The following EFHC1 variants were observed in gnomAD, a reference collection of about 807,000 sequenced individuals.
EFHC1 encodes EF-hand domain-containing protein 1.
In EFHC1, 53 loss-of-function variants were observed where a neutral mutation model predicts 69.9. The observed-to-expected ratio is 0.76, with a 90% confidence interval of 0.61 to 0.95. The LOEUF is 0.95. Among genes scored for constraint, EFHC1 ranks in the 40% least tolerant of loss-of-function variants. EFHC1 has a pLI of 0.00. For synonymous variants in EFHC1, 256 were observed against 278.4 expected (o/e 0.92, Z 0.80); for missense variants, 739 against 798.7 (o/e 0.93, Z 0.90).
intron 5 of EFHC1, among the ~76,000 whole-genome samples, chr6:52,455,033 G>A (rs900891262): frequency 2.0e-5 from 3 of 151,992 alleles, no homozygotes; most frequent in South Asian, 2.1e-4. Context: ...TCGAGGCTGC[G>A]GTGAGCTGTG....
chr6:52,448,047 C>T (rs920941343), intron 3 of EFHC1, among the ~76,000 whole-genome samples: 4 of 152,206 alleles, frequency 2.6e-5, no homozygotes, highest in African/African-American at 9.6e-5. Flanking sequence ...GCAGTCTGTC[C>T]GTTCTCAGAT....
At chr6:52,474,181 T>C (rs1195593346) in intron 7 of EFHC1, among the ~76,000 whole-genome samples, 2 of 152,178 alleles carry the variant, frequency 1.3e-5, no homozygotes, top group African/African-American at 4.8e-5. Context: ...TTGGGCTTGG[T>C]GGCATGTGCC....
intron 9 of EFHC1, among the ~76,000 whole-genome samples, chr6:52,480,427 C>G (rs1292264943): frequency 3.9e-5 from 6 of 152,146 alleles, no homozygotes; most frequent in Admixed American, 6.5e-5. Flanking sequence ...TATTATGTGT[C>G]AGAGACTATC....
chr6:52,468,587 C>T (rs1332680037), intron 6 of EFHC1: 3 of 152,324 alleles, frequency 2.0e-5, no homozygotes, highest in South Asian at 4.1e-4. Context: ...AGGATGCTCT[C>T]ATTGTGTGGT....
intron 2 of EFHC1, among the ~76,000 whole-genome samples, chr6:52,433,475 C>T (rs1435317851): frequency 2.6e-5 from 4 of 152,196 alleles, no homozygotes; most frequent in Non-Finnish European, 5.9e-5. Flanking sequence ...AGCAAGTCTG[C>T]CAGGCTCCAG....
Position 52,494,216 on chromosome 6 carries a change from G to A in EFHC1, c.*1875G>A, listed in dbSNP as rs750250332. On this transcript the variant is annotated 3_prime_UTR_variant, in exon 11 of 11. Transcript: ENST00000371068. ...AGCCCATTGTAAAGTAGGCAAATAAGTTGGACCATTGAAAGTTGGGGACTA... is the reference window on the plus strand; with the variant it reads ...AGCCCATTGTAAAGTAGGCAAATAAATTGGACCATTGAAAGTTGGGGACTA... 1.0e-4 allele frequency: 47 copies of A among 454,008 alleles called. No individual in the cohort carries two copies. In the Admixed American group the frequency reaches 1.1e-3, roughly 10 times the overall value. The allele number at this position is 454,008 out of a possible 1,614,324, so 28.1% of individuals were successfully genotyped here. A position where few individuals can be genotyped will look rare whatever the true frequency, so the allele number is the denominator to read the frequency against.
intron 6 of EFHC1, among the ~76,000 whole-genome samples, chr6:52,466,842 G>C (rs1032381545): frequency 6.6e-6 from 1 of 152,320 alleles, no homozygotes; most frequent in African/African-American, 2.4e-5. Context: ...ACAATTTCTG[G>C]AAGGAAGTGT....
chr6:52,479,744 A>T lies in EFHC1; in HGVS notation c.1597A>T (p.Asn533Tyr), dbSNP rs1276328391. 1 of 1,614,224 alleles carries T rather than the reference A, an allele frequency of 6.2e-7. No homozygotes were observed. The highest frequency in any genetic ancestry group is 1.7e-5 in the Admixed American group (1 of 60,022). The change falls in exon 9 of 11, where the codon AAC becomes TAC. Residue 533 changes from asparagine (N) to tyrosine (Y), a missense_variant. Coordinates refer to ENST00000371068, the MANE Select transcript of EFHC1 (RefSeq NM_018100.4). ...YSPEALASIQ[N>Y]HVRKREAPAP... ...ACCAGAAGCACTCGCGTCAATTCAG[A>T]ACCATGTCCGAAAGCGAGAAGCGCC...
chr6:52,450,670 A>G (rs971857380), intron 3 of EFHC1, among the ~76,000 whole-genome samples: 10 of 151,974 alleles, frequency 6.6e-5, no homozygotes, highest in African/African-American at 2.2e-4. Context: ...ATTTTCTTCT[A>G]TCCCTTTATT....
At chr6:52,465,696 C>T (rs1003465675) in intron 6 of EFHC1, among the ~76,000 whole-genome samples, 2 of 151,252 alleles carry the variant, frequency 1.3e-5, no homozygotes, top group East Asian at 3.9e-4. Context: ...AATCCCAGCT[C>T]CTCGGGAGGC....
At chr6:52,465,614 C>G (rs555909849) in intron 6 of EFHC1, among the ~76,000 whole-genome samples, 1 of 151,982 alleles carries the variant, frequency 6.6e-6, no homozygotes, top group African/African-American at 2.4e-5. Context: ...CTAGACCAGC[C>G]TGGCCAACGT....
rs1221071112 is a variant in EFHC1, at chr6:52,495,667, C to G, written c.*3326C>G. 1 of 442,884 alleles carries G rather than the reference C, an allele frequency of 2.3e-6. No homozygotes were observed. The highest frequency in any genetic ancestry group is 4.6e-6 in the Non-Finnish European group (1 of 219,728). The allele number at this position is 442,884 out of a possible 1,614,324, so 27.4% of individuals were successfully genotyped here. ...GCGGTGGTGTGACCATAGCTCACTG[C>G]AGCCTCAAACTCCTGGGCTCATGCA... On this transcript the variant is annotated 3_prime_UTR_variant, in exon 11 of 11. Transcript: ENST00000371068.
At chr6:52,490,968 G>A (rs75961891) in intron 10 of EFHC1, 117 of 153,352 alleles carry the variant, frequency 7.6e-4, no homozygotes, top group Non-Finnish European at 1.6e-3. Context: ...AAGGACTGTG[G>A]CTTATGATCA....
intron 5 of EFHC1, among the ~76,000 whole-genome samples, chr6:52,461,442 TACC>T (rs1765164413): frequency 6.6e-6 from 1 of 152,198 alleles, no homozygotes; most frequent in Non-Finnish European, 1.5e-5. Context: ...GGTGTATATA[TACC>T]ACATTTTCTT....
rs572463469 is a variant in EFHC1, at chr6:52,493,865, A to G, written c.*1524A>G. 48 of 454,096 alleles carry G rather than the reference A, an allele frequency of 1.1e-4. No individual in the cohort carries two copies. The East Asian group carries it at 2.6e-3, about 24-fold the overall frequency. 28.1% of individuals were successfully genotyped at this position (454,096 alleles called of 1,614,324 possible). On this transcript the variant is annotated 3_prime_UTR_variant, in exon 11 of 11. Coordinates refer to ENST00000371068, the MANE Select transcript of EFHC1 (RefSeq NM_018100.4). ...CACCCAAAATGTGGTATGAATGAGG[A>G]TAGAGTTACACAGAATTCAGACTGC...
At chr6:52,422,887 A>C (rs1025878022) in intron 1 of EFHC1, among the ~76,000 whole-genome samples, 7 of 152,186 alleles carry the variant, frequency 4.6e-5, no homozygotes, top group African/African-American at 1.4e-4. Flanking sequence ...TTGCTTTTTC[A>C]GGCTTATTAA....
chr6:52,429,344 T>C (rs972729004), intron 2 of EFHC1, among the ~76,000 whole-genome samples: 1 of 152,246 alleles, frequency 6.6e-6, no homozygotes, highest in Non-Finnish European at 1.5e-5. Flanking sequence ...TTTAAGTCCT[T>C]GATCCATCTT....
At chr6:52,426,774 A>G (rs1764310765) in intron 2 of EFHC1, among the ~76,000 whole-genome samples, 1 of 152,104 alleles carries the variant, frequency 6.6e-6, no homozygotes, top group African/African-American at 2.4e-5. Context: ...TATCCTCCAC[A>G]CTTAATGAGT....
intron 1 of EFHC1, 148 bp from the exon 2 acceptor site, chr6:52,423,798 G>T: frequency 6.5e-7 from 1 of 1,532,914 alleles, no homozygotes; most frequent in Non-Finnish European, 8.7e-7. Flanking sequence ...GAGCCACCAT[G>T]CCCAGCCTTA....
Sources: gnomAD v4.1 joint callset for allele counts (sites outside exome capture counted in the v4.1 genomes callset) on GRCh38, gnomAD v4.1.1 for gene constraint, MANE v1.5 for transcripts, NCBI Gene and HGNC (gene_info 2026-07-23, HGNC 2026-07-21) for gene names.